OXR1: variants seen among roughly 807,000 people sequenced by gnomAD.
OXR1 encodes the protein oxidation resistance protein 1.
In OXR1, 41 loss-of-function variants were observed where a neutral mutation model predicts 104.6. The ratio of observed to expected loss-of-function variants is 0.39; its 90% CI spans 0.31 to 0.51. The LOEUF (loss-of-function observed/expected upper bound fraction) is 0.51, where lower values mean the gene tolerates loss of function less well. OXR1 is among the 20% of genes least tolerant of loss of function. The pLI is 0.77. For missense variants in OXR1, 955 were observed against 1,031.9 expected (o/e 0.93, Z 1.02); for synonymous variants, 348 against 348.4 (o/e 1.00, Z 0.01).
intron 7 of OXR1, among the ~76,000 whole-genome samples, chr8:106,694,578 A>T (rs1397578059): frequency 1.0e-5 from 1 of 97,498 alleles, no homozygotes; most frequent in Non-Finnish European, 1.9e-5. Context: ...TTGATATATA[A>T]ATGTTTATAT....
At chr8:106,479,183 T>A (rs114410388) in intron 2 of OXR1, among the ~76,000 whole-genome samples, 4 of 152,122 alleles carry the variant, frequency 2.6e-5, no homozygotes, top group African/African-American at 9.6e-5. Context: ...TGGATCTAAA[T>A]ATTGGCCTAA....
intron 4 of OXR1, among the ~76,000 whole-genome samples, 194 bp downstream of exon 4, chr8:106,679,486 G>T (rs890328997): frequency 5.3e-5 from 8 of 151,758 alleles, no homozygotes; most frequent in African/African-American, 1.9e-4. Flanking sequence ...GAGATATAAA[G>T]GTAGTTATCC....
chr8:106,568,535 G>A (rs888548953), intron 3 of OXR1, among the ~76,000 whole-genome samples: 16 of 152,070 alleles, frequency 1.1e-4, no homozygotes, highest in Non-Finnish European at 1.9e-4. Context: ...CTCCTCCTGA[G>A]TTGTCTTAGT....
intron 11 of OXR1, among the ~76,000 whole-genome samples, chr8:106,715,013 C>G (rs554792343): frequency 1.3e-5 from 2 of 152,096 alleles, no homozygotes; most frequent in South Asian, 4.1e-4. Context: ...AATACTTAAA[C>G]CAACATTATC....
chr8:106,637,198 C>CT (rs1823212480), intron 3 of OXR1, among the ~76,000 whole-genome samples: 1 of 152,118 alleles, frequency 6.6e-6, no homozygotes, highest in Non-Finnish European at 1.5e-5. Context: ...CTTGTTGCTA[C>CT]TGTTAAAGAT....
intron 2 of OXR1, among the ~76,000 whole-genome samples, chr8:106,437,154 C>T (rs984424339): frequency 1.3e-5 from 2 of 152,090 alleles, no homozygotes; most frequent in African/African-American, 4.8e-5. Context: ...CATTGTGAGA[C>T]TGTGAAGCTC....
chr8:106,378,872 T>C (rs558619771), intron 2 of OXR1, among the ~76,000 whole-genome samples: 1 of 152,164 alleles, frequency 6.6e-6, no homozygotes, highest in Non-Finnish European at 1.5e-5. Flanking sequence ...AGTCTTACTG[T>C]ATATTTCAAA....
chr8:106,587,156 TGA>T (rs1262503227), intron 3 of OXR1, among the ~76,000 whole-genome samples: 2 of 151,968 alleles, frequency 1.3e-5, no homozygotes, highest in African/African-American at 4.8e-5. Flanking sequence ...TCTGAATAGG[TGA>T]GAGAGGATGG....
At chr8:106,530,212 A>T (rs2130229785) in intron 3 of OXR1, among the ~76,000 whole-genome samples, 1 of 152,294 alleles carries the variant, frequency 6.6e-6, no homozygotes, top group Non-Finnish European at 1.5e-5. Flanking sequence ...TCTTGCTCAC[A>T]TTCAGAAATG....
intron 3 of OXR1, among the ~76,000 whole-genome samples, chr8:106,543,573 G>C (rs1028156459): frequency 1.3e-5 from 2 of 152,198 alleles, no homozygotes; most frequent in African/African-American, 4.8e-5. Flanking sequence ...CTGTGTGTCA[G>C]CTAAGGTTTG....
At chr8:106,364,511 C>T (rs919533784) in intron 2 of OXR1, among the ~76,000 whole-genome samples, 1 of 151,958 alleles carries the variant, frequency 6.6e-6, no homozygotes, top group Non-Finnish European at 1.5e-5. Flanking sequence ...AACCAGGAGG[C>T]AGAGGTTGCA....
rs918387129 is a variant in OXR1 at position 106,343,131 on chromosome 8, T to A, written c.-138-16345T>A. 1.1e-4 allele frequency among the ~76,000 whole-genome samples: 17 copies of A among 152,298 alleles called. No homozygotes were observed. In the East Asian group the frequency reaches 3.3e-3, roughly 29 times the overall value. On this transcript the variant is annotated intron_variant, in intron 1 of 16. Transcript: ENST00000517566. ...GGTCTTTACCATTTCTTACATAGAT[T>A]GTTATAATCTTCTCCCAGTTTGTCC...
Position 106,426,669 on chromosome 8 carries a change from C to A in OXR1, c.23+67033C>A, listed in dbSNP as rs73699389. Among the ~76,000 whole-genome samples the A allele has an allele frequency of 2.2e-3, 337 of 152,182 alleles. 2 individuals are homozygous for A. The highest frequency in any genetic ancestry group is 7.7e-3 in the African/African-American group (319 of 41,540). ...CTTCACTTAGTTGTGTGACCTAGGG[C>A]AAGTTTTTAAAACTCTTTGTGCCTC... On this transcript the variant is annotated intron_variant, in intron 2 of 16. Transcript: ENST00000517566.
At chr8:106,538,463 T>C (rs1490464865) in intron 3 of OXR1, among the ~76,000 whole-genome samples, 1 of 152,152 alleles carries the variant, frequency 6.6e-6, no homozygotes, top group Admixed American at 6.5e-5. Context: ...TTTTTTCCCC[T>C]CCCATTAAGT....
intron 3 of OXR1, among the ~76,000 whole-genome samples, chr8:106,616,575 A>C (rs1182634623): frequency 6.6e-6 from 1 of 152,196 alleles, no homozygotes; most frequent in Non-Finnish European, 1.5e-5. Context: ...ATTTTCCTGC[A>C]AAAGCTTATT....
chr8:106,642,395 C>T (rs1434639168), intron 3 of OXR1, among the ~76,000 whole-genome samples: 1 of 152,050 alleles, frequency 6.6e-6, no homozygotes, highest in Non-Finnish European at 1.5e-5. Flanking sequence ...TTTGGAGTTC[C>T]TGGGTGGTGG....
chr8:106,277,337 C>T (rs918879656), intron 1 of OXR1, among the ~76,000 whole-genome samples: 4 of 152,094 alleles, frequency 2.6e-5, no homozygotes, highest in Non-Finnish European at 2.9e-5. Flanking sequence ...TCATATCCAC[C>T]GGATTATAGG....
chr8:106,707,311 CT>C (rs1263643069), intron 9 of OXR1, 166 bp downstream of exon 9: 7 of 686,048 alleles, frequency 1.0e-5, no homozygotes, highest in African/African-American at 1.8e-5. Flanking sequence ...CCAGTGTCTA[CT>C]GTCTTTTCTT....
intron 2 of OXR1, among the ~76,000 whole-genome samples, chr8:106,466,779 G>A (rs145233485): frequency 2.2e-4 from 33 of 151,826 alleles, no homozygotes; most frequent in African/African-American, 7.5e-4. Context: ...TCATTTTTCT[G>A]TATACAGACA....
Sources: allele counts gnomAD v4.1 joint callset (sites outside exome capture counted in the v4.1 genomes callset), GRCh38; gene constraint gnomAD v4.1.1; transcripts MANE v1.5; gene names NCBI Gene and HGNC (gene_info 2026-07-23, HGNC 2026-07-21).